Variants in PLEKHG1 observed in about 807,000 individuals in gnomAD.
PLEKHG1 encodes pleckstrin homology domain-containing family G member 1.
In PLEKHG1, 44 loss-of-function variants were observed where a neutral mutation model predicts 100.8. The ratio of observed to expected loss-of-function variants is 0.44; its 90% CI spans 0.34 to 0.56. PLEKHG1 has a LOEUF of 0.56. PLEKHG1 is among the 20% of genes least tolerant of loss of function. PLEKHG1 has a pLI of 0.01. For synonymous variants in PLEKHG1, 640 were observed against 662.5 expected (o/e 0.97, Z 0.52); for missense variants, 1,545 against 1,720.9 (o/e 0.90, Z 1.81).
chr6:150,753,779 GTGT>G (rs1783666034), intron 2 of PLEKHG1, among the ~76,000 whole-genome samples: 1 of 152,200 alleles, frequency 6.6e-6, no homozygotes, highest in African/African-American at 2.4e-5. Context: ...TCAAGAGGTG[GTGT>G]TGTAAAAAAA....
At chr6:150,751,820 G>A (rs1428992122) in intron 2 of PLEKHG1, among the ~76,000 whole-genome samples, 1 of 152,174 alleles carries the variant, frequency 6.6e-6, no homozygotes, top group Non-Finnish European at 1.5e-5. Context: ...TTATGGCCCA[G>A]AGCAAAACTG....
At chr6:150,795,164 G>A (rs901479630) in intron 4 of PLEKHG1, among the ~76,000 whole-genome samples, 8 of 151,974 alleles carry the variant, frequency 5.3e-5, no homozygotes, top group Admixed American at 2.6e-4. Context: ...TGAGGCAGGC[G>A]GATAACTTGA....
intron 2 of PLEKHG1, among the ~76,000 whole-genome samples, chr6:150,750,109 A>G (rs999513314): frequency 1.8e-4 from 27 of 152,170 alleles, no homozygotes; most frequent in African/African-American, 5.5e-4. Context: ...GAACATTTTT[A>G]CTTCAAAAGG....
At chr6:150,793,876 A>G (rs1461882484) in intron 4 of PLEKHG1, among the ~76,000 whole-genome samples, 1 of 151,854 alleles carries the variant, frequency 6.6e-6, no homozygotes, top group Non-Finnish European at 1.5e-5. Context: ...GAGGTCAGGA[A>G]TTCAAGACCA....
chr6:150,645,050 C>T (rs540118223), intron 2 of PLEKHG1, among the ~76,000 whole-genome samples: 17 of 152,170 alleles, frequency 1.1e-4, no homozygotes, highest in African/African-American at 4.1e-4. Flanking sequence ...TGAAGAAACA[C>T]ATAGAAGGAT....
chr6:150,719,810 A>T (rs1280115384), upstream of PLEKHG1, among the ~76,000 whole-genome samples: 2 of 152,228 alleles, frequency 1.3e-5, no homozygotes, highest in Non-Finnish European at 2.9e-5. Flanking sequence ...CCTTCTCAGC[A>T]TGCTGGATTT....
chr6:150,734,077 A>G (rs1265493040), exon 2 of PLEKHG1: 5 of 1,611,148 alleles, frequency 3.1e-6, no homozygotes, highest in Admixed American at 3.3e-5. Flanking sequence ...TACAAGATTT[A>G]AAAAGCATCG....
intron 1 of PLEKHG1, among the ~76,000 whole-genome samples, chr6:150,602,178 A>G (rs1398278715): frequency 6.6e-6 from 1 of 152,174 alleles, no homozygotes; most frequent in Non-Finnish European, 1.5e-5. Context: ...TCGTCAACCA[A>G]AAGCAATTCC....
chr6:150,787,839 G>A (rs1785719476), intron 4 of PLEKHG1, among the ~76,000 whole-genome samples: 1 of 152,128 alleles, frequency 6.6e-6, no homozygotes, highest in South Asian at 2.1e-4. Context: ...TGTAAAGTGT[G>A]CACACACGTT....
At chr6:150,666,912 C>G (rs889747286) in intron 3 of PLEKHG1, among the ~76,000 whole-genome samples, 6 of 152,116 alleles carry the variant, frequency 3.9e-5, no homozygotes. Flanking sequence ...AGGTGCCCAC[C>G]ACCACACCCG....
intron 3 of PLEKHG1, chr6:150,662,411 T>G (rs1779229549): frequency 6.6e-6 from 1 of 152,172 alleles, no homozygotes; most frequent in Non-Finnish European, 1.5e-5. Flanking sequence ...CATCTTCTGT[T>G]TTTTGTTTTG....
At chr6:150,756,334 T>C (rs1464582912) in intron 2 of PLEKHG1, among the ~76,000 whole-genome samples, 1 of 152,204 alleles carries the variant, frequency 6.6e-6, no homozygotes, top group Non-Finnish European at 1.5e-5. Flanking sequence ...AATACATAAC[T>C]TTTGGTTAAG....
At chr6:150,659,796 ACT>A (rs1779112347) in intron 3 of PLEKHG1, among the ~76,000 whole-genome samples, 1 of 151,674 alleles carries the variant, frequency 6.6e-6, no homozygotes, top group South Asian at 2.1e-4. Flanking sequence ...GATCTTAAAA[ACT>A]CTGCTTCAAA....
intron 1 of PLEKHG1, among the ~76,000 whole-genome samples, chr6:150,619,189 A>G (rs1284415234): frequency 4.6e-5 from 7 of 152,176 alleles, no homozygotes; most frequent in Admixed American, 4.6e-4. Context: ...GATCCATTTG[A>G]GCTAGAGACG....
At chr6:150,771,511 G>T (rs1254430575) in intron 3 of PLEKHG1, among the ~76,000 whole-genome samples, 1 of 151,960 alleles carries the variant, frequency 6.6e-6, no homozygotes, top group African/African-American at 2.4e-5. Flanking sequence ...AGATGACTGA[G>T]ATTTACATTC....
At chr6:150,708,057 T>C (rs1781096879) in intron 3 of PLEKHG1, among the ~76,000 whole-genome samples, 2 of 152,202 alleles carry the variant, frequency 1.3e-5, no homozygotes, top group African/African-American at 4.8e-5. Flanking sequence ...CCCAGGCTGC[T>C]AAGAAATCCC....
intron 3 of PLEKHG1, among the ~76,000 whole-genome samples, chr6:150,693,596 T>C (rs990037605): frequency 1.3e-5 from 2 of 152,172 alleles, no homozygotes; most frequent in Non-Finnish European, 2.9e-5. Flanking sequence ...GGCTAACCAC[T>C]CCCCCATGTG....
At chr6:150,697,919 A>G (rs972251308) in intron 3 of PLEKHG1, among the ~76,000 whole-genome samples, 1 of 40,098 alleles carries the variant, frequency 2.5e-5, no homozygotes, top group Non-Finnish European at 5.9e-5. Flanking sequence ...TTATTCTGGC[A>G]GTGGTGTTTT....
At chr6:150,642,584 C>A (rs896191403) in intron 2 of PLEKHG1, among the ~76,000 whole-genome samples, 80 of 152,280 alleles carry the variant, frequency 5.3e-4, no homozygotes, top group African/African-American at 1.9e-3. Context: ...ACTACAGTTG[C>A]CTTTGGGCAT....
Sources: gnomAD v4.1 joint callset for allele counts (sites outside exome capture counted in the v4.1 genomes callset) on GRCh38, gnomAD v4.1.1 for gene constraint, MANE v1.5 for transcripts, NCBI Gene and HGNC (gene_info 2026-07-23, HGNC 2026-07-21) for gene names.